The following RECQL4 variants were observed in gnomAD, a reference collection of about 807,000 sequenced individuals.
The protein encoded by RECQL4 is RecQ like helicase 4, also known as ATP-dependent DNA helicase Q4.
A neutral mutation model predicts 128.6 loss-of-function variants in RECQL4; 158 were observed. The ratio of observed to expected loss-of-function variants is 1.23; its 90% CI spans 1.08 to 1.40. The LOEUF (loss-of-function observed/expected upper bound fraction) is 1.40. Ranked by LOEUF, RECQL4 falls within the 40% of genes most tolerant of loss-of-function variation. RECQL4 has a pLI of 0.00. For missense variants in RECQL4, 2,293 were observed against 1,649.8 expected (o/e 1.39, Z -6.75); for synonymous variants, 996 against 678.9 (o/e 1.47, Z -7.26).
At chr8:144,515,672 G>A in intron 6 of RECQL4, 92 bp downstream of exon 6, 1 of 1,519,516 alleles carries the variant, frequency 6.6e-7, no homozygotes, top group Non-Finnish European at 8.9e-7. Context: ...TACCTGGAAG[G>A]CCTGTTGCTT....
Position 144,516,414 on chromosome 8 carries a change from C to G in RECQL4, c.705G>C (p.Gln235His), listed in dbSNP as rs1177971610. 6.2e-7 allele frequency: 1 copy of G among 1,609,324 alleles called. No homozygotes were observed. Among genetic ancestry groups the G allele is most frequent in the Admixed American group, 1.7e-5 (1 of 59,948 alleles). The change falls in exon 5 of 21, where the codon CAG (glutamine) becomes CAC (histidine). Residue 235 changes from glutamine to histidine, a missense_variant. Transcript: ENST00000617875. ...CTTGGAAGGCTGAAGCCTCTGGGCCCTGGGAGCCAGCACCAGGACCAAGGA... is the reference window on the plus strand; with the variant it reads ...CTTGGAAGGCTGAAGCCTCTGGGCCGTGGGAGCCAGCACCAGGACCAAGGA... ...SAVLGPGAGS[Q>H]GPEASAFQEV...
chr8:144,512,067 G>C lies in RECQL4; in HGVS notation c.3237C>G (p.Ser1079Arg), dbSNP rs770553956. The change falls in exon 19 of 21, where the codon AGC (serine) becomes AGG (arginine). Residue 1079 changes from serine to arginine, a missense_variant and splice_region_variant. Ser to Arg is a moderately radical substitution (Grantham distance 110). Transcript: ENST00000617875. ...AGGGCCCGCAGCTGGGGAAGGCTAC[G>C]CTGTGGGGAGGAGCCTGTCAGAGCT... is the stretch of plus-strand genomic sequence containing the variant. ...RLRRTFQAFH[S>R]VAFPSCGPCL... The C allele has an allele frequency of 6.2e-7, 1 of 1,607,172 alleles. No homozygotes were observed. Among genetic ancestry groups the C allele is most frequent in the East Asian group, 2.2e-5 (1 of 44,764 alleles).
rs1202338298 is a variant in RECQL4 at position 144,515,580 on chromosome 8, T to A, written c.1259-123A>T. The A allele has an allele frequency of 2.0e-6, 3 of 1,519,540 alleles. No homozygotes were observed. The East Asian group carries it at 6.8e-5, about 35-fold the overall frequency. The allele number at this position is 1,519,540 out of a possible 1,614,324, so 94.1% of individuals were successfully genotyped here. A position where few individuals can be genotyped will look rare whatever the true frequency, so the allele number is the denominator to read the frequency against. On this transcript the variant is annotated intron_variant, in intron 6 of 20. Transcript: ENST00000617875. ...CAGTGCCCTTCCTCTGGGCTACTTT[T>A]TCCAAAGCAGAAAAGAGTGACAGCC... is the stretch of plus-strand genomic sequence containing the variant.
chr8:144,517,793 C>T lies in RECQL4; in HGVS notation c.-9G>A. The T allele has an allele frequency of 8.2e-7, 1 of 1,219,210 alleles. No homozygotes were observed. Among genetic ancestry groups the T allele is most frequent in the South Asian group, 3.0e-5 (1 of 32,914 alleles). The allele number at this position is 1,219,210 out of a possible 1,614,324, so 75.5% of individuals were successfully genotyped here. A position where few individuals can be genotyped will look rare whatever the true frequency, so the allele number is the denominator to read the frequency against. The stretch of plus-strand genomic sequence containing the variant: ...TCCCGCAGCCGCTCCATGGCGCGCG[C>T]GCCCGCCCGGCCTCCGCGCTTGCGA... On this transcript the variant is annotated 5_prime_UTR_variant, in exon 1 of 21. Coordinates refer to ENST00000617875, the MANE Select transcript of RECQL4 (RefSeq NM_004260.4).
At position 144,513,475 on chromosome 8, in the gene RECQL4, C is replaced by T. The variant is rs864309583; in HGVS notation, c.2206G>A (p.Ala736Thr). The change falls in exon 14 of 21, where the codon GCC (alanine) becomes ACC (threonine). Residue 736 changes from alanine to threonine, a missense_variant. Transcript: ENST00000617875. ...AAWVPGSGGR[A>T]PKTTAEAYHA... ...TAGGCCTCGGCTGTGGTTTTGGGGG[C>T]ACGACCTTTGGGGAAGACAGGCAGA... 2 of 1,609,846 alleles carry T rather than the reference C, an allele frequency of 1.2e-6. No individual in the cohort carries two copies. The highest frequency in any genetic ancestry group is 1.7e-4 in the Middle Eastern group (1 of 6,060).
chr8:144,515,994 G>T lies in RECQL4; in HGVS notation c.1125C>A (p.Arg375=), dbSNP rs560231629. The part of the protein sequence containing the change: ...RGRALRSRLL[R]KQAWKQKWRK... ...TGGCCCGTCGCTGTCTTACCTGCTT[G>T]CGGAGGAGCCTGCTACGGAGTGCCC... The change falls in exon 5 of 21, where the codon CGC becomes CGA. Residue 375 remains arginine, a synonymous_variant. Transcript: ENST00000617875. 1.5e-5 allele frequency: 24 copies of T among 1,609,402 alleles called. No individual in the cohort carries two copies. Among genetic ancestry groups the T allele is most frequent in the South Asian group, 6.6e-5 (6 of 91,022 alleles).
At position 144,514,459 on chromosome 8, in the gene RECQL4, C is replaced by G; in HGVS notation, c.1687G>C (p.Glu563Gln). 4 of 1,612,240 alleles carry G rather than the reference C, an allele frequency of 2.5e-6. No homozygotes were observed. Among genetic ancestry groups the G allele is most frequent in the Non-Finnish European group, 3.4e-6 (4 of 1,179,542 alleles). ...GCCCCCACCTTCTGCAGGACAGATTCCCGTTGCTTCCTGGTCATGCCCGAG... is the reference window on the plus strand; with the variant it reads ...GCCCCCACCTTCTGCAGGACAGATTGCCGTTGCTTCCTGGTCATGCCCGAG... ...IHSGMTRKQR[E>Q]SVLQKIRAAQ... is the part of the protein sequence containing the mutation. Residue 563 changes from glutamate (E) to glutamine (Q), a missense_variant, in exon 10 of 21, where the codon GAA becomes CAA. By Grantham distance (29) the Glu-to-Gln change is conservative. Coordinates refer to ENST00000617875, the MANE Select transcript of RECQL4 (RefSeq NM_004260.4).
In RECQL4 at chr8:144,517,799, C is replaced by G; in HGVS notation, c.-15G>C. 8.3e-7 allele frequency: 1 copy of G among 1,211,960 alleles called. No individual in the cohort carries two copies. The highest frequency in any genetic ancestry group is 3.7e-5 in the East Asian group (1 of 26,684). The allele number at this position is 1,211,960 out of a possible 1,614,324, so 75.1% of individuals were successfully genotyped here. ...AGCCGCTCCATGGCGCGCGCGCCCG[C>G]CCGGCCTCCGCGCTTGCGATCGTCC... On this transcript the variant is annotated 5_prime_UTR_variant, in exon 1 of 21. Coordinates refer to ENST00000617875, the MANE Select transcript of RECQL4 (RefSeq NM_004260.4).
intron 14 of RECQL4, 37 bp from the exon 15 acceptor site, chr8:144,513,175 TG>T: frequency 2.2e-6 from 2 of 895,968 alleles, no homozygotes; most frequent in Non-Finnish European, 3.1e-6. Context: ...GGTGGACCAC[TG>T]GGGGCTCGAG....
rs757069680 is a variant in RECQL4, at chr8:144,513,611, G to A, written c.2160C>T (p.Leu720=). ...REDTERIAAL[L]RTCLHAAWVP... is the part of the protein sequence containing the mutation. ...CCCAGGCTGCGTGCAGGCAGGTTCG[G>A]AGGAGCGCAGCGATCCGCTCTGTGT... is the stretch of plus-strand genomic sequence containing the variant. The change falls in exon 13 of 21, where the codon CTC becomes CTT. Residue 720 remains leucine, a synonymous_variant. Coordinates refer to ENST00000617875, the MANE Select transcript of RECQL4 (RefSeq NM_004260.4). The A allele has an allele frequency of 6.2e-7, 1 of 1,605,484 alleles. No homozygotes were observed. The highest frequency in any genetic ancestry group is 1.3e-5 in the African/African-American group (1 of 74,822).
Position 144,517,785 on chromosome 8 carries a change from G to A in RECQL4, c.-1C>T. The A allele has an allele frequency of 8.1e-7, 1 of 1,231,676 alleles. No homozygotes were observed. Among genetic ancestry groups the A allele is most frequent in the Non-Finnish European group, 1.0e-6 (1 of 982,378 alleles). The allele number at this position is 1,231,676 out of a possible 1,614,324, so 76.3% of individuals were successfully genotyped here. A position where few individuals can be genotyped will look rare whatever the true frequency, so the allele number is the denominator to read the frequency against. On this transcript the variant is annotated 5_prime_UTR_variant, in exon 1 of 21. Transcript: ENST00000617875. ...CCCGCACGTCCCGCAGCCGCTCCATGGCGCGCGCGCCCGCCCGGCCTCCGC... is the reference window on the plus strand; with the variant it reads ...CCCGCACGTCCCGCAGCCGCTCCATAGCGCGCGCGCCCGCCCGGCCTCCGC...
chr8:144,513,383 C>G lies in RECQL4; in HGVS notation c.2298G>C (p.Arg766=). ...CAAAGGCCACCGTGGCCACCACCAC[C>G]CGCAACTGGCCCTGCATGAAGGCTC... ...VQRAFMQGQL[R]VVVATVAFGM... The change falls in exon 14 of 21, where the codon CGG becomes CGC. Residue 766 remains arginine (R), a synonymous_variant. Transcript: ENST00000617875. The G allele has an allele frequency of 6.2e-7, 1 of 1,607,844 alleles. No individual in the cohort carries two copies.
In RECQL4 at chr8:144,514,611, C is replaced by T. The variant is rs879161836; in HGVS notation, c.1621-86G>A. 10 of 1,371,318 alleles carry T rather than the reference C, an allele frequency of 7.3e-6. No homozygotes were observed. The South Asian group carries it at 1.1e-4, about 14-fold the overall frequency. The allele number at this position is 1,371,318 out of a possible 1,614,324, so 84.9% of individuals were successfully genotyped here. ...ATCCCAGAGCTGCTGCCATGTCCAT[C>T]CTAGTCCCTCAGGGGAGAGGAGAAC... On this transcript the variant is annotated intron_variant, in intron 9 of 20. Coordinates refer to ENST00000617875, the MANE Select transcript of RECQL4 (RefSeq NM_004260.4).
rs1308532545 is a variant in RECQL4, at chr8:144,512,580, G to A, written c.2886-19C>T. 1 of 1,612,274 alleles carries A rather than the reference G, an allele frequency of 6.2e-7. No homozygotes were observed. The highest frequency in any genetic ancestry group is 2.2e-5 in the East Asian group (1 of 44,858). ...GGGACACCTGTGCCCAGGGAAAAAG[G>A]GACATGTGGCCAACAGCCCTGATTC... On this transcript the variant is annotated intron_variant, in intron 16 of 20. Transcript: ENST00000617875.
chr8:144,514,178 A>G lies in RECQL4; in HGVS notation c.1878+11T>C, dbSNP rs532723123. 64 of 1,611,932 alleles carry G rather than the reference A, an allele frequency of 4.0e-5. No individual in the cohort carries two copies. In the South Asian group the frequency reaches 5.6e-4, roughly 14 times the overall value. On this transcript the variant is annotated intron_variant, in intron 11 of 20. Transcript: ENST00000617875. ...GCCCTGGCCGCCCACCCCAGTTCAC[A>G]TATGGCTCACCTTGCAGACGCGCAG...
Position 144,517,089 on chromosome 8 carries a change from G to C in RECQL4, c.315C>G (p.Tyr105Ter), listed in dbSNP as rs766643335. Residue 105 changes from tyrosine (Y) to a stop codon, truncating the protein, a stop_gained, in exon 4 of 21, where the codon TAC becomes TAG. Coordinates refer to ENST00000617875, the MANE Select transcript of RECQL4 (RefSeq NM_004260.4). LOFTEE classifies it high-confidence loss of function. Reference sequence around the variant, plus strand: ...TCAGATTGGCCTTGAGCCGCTGCCCGTAGTCCGGCACCGAGCCCTGGCGGC... The same window carrying C: ...TCAGATTGGCCTTGAGCCGCTGCCCCTAGTCCGGCACCGAGCCCTGGCGGC... ...GRSRQGSVPD[Y>*]GQRLKANLKG... 1.2e-6 allele frequency: 2 copies of C among 1,612,328 alleles called. No homozygotes were observed. The highest frequency in any genetic ancestry group is 1.7e-6 in the Non-Finnish European group (2 of 1,179,640).
intron 9 of RECQL4, 148 bp downstream of exon 9, chr8:144,514,788 G>T: frequency 1.9e-6 from 2 of 1,052,050 alleles, no homozygotes; most frequent in Non-Finnish European, 1.4e-6. Flanking sequence ...GGCTGCCTTT[G>T]ACCTGCTGCC....
rs776811529 is a variant in RECQL4, at chr8:144,515,890, C to T, written c.1132G>A (p.Ala378Thr). The change falls in exon 6 of 21, where the codon GCA (alanine) becomes ACA (threonine). Residue 378 changes from alanine to threonine, a missense_variant and splice_region_variant. By Grantham distance (58) the Ala-to-Thr change is moderately conservative. Coordinates refer to ENST00000617875, the MANE Select transcript of RECQL4 (RefSeq NM_004260.4). ...TTCTTCCGCCACTTCTGCTTCCATG[C>T]CTGGGGGGTGCCCACATAGGAGGGT... ...ALRSRLLRKQ[A>T]WKQKWRKKGE... 3.1e-6 allele frequency: 5 copies of T among 1,612,760 alleles called. No homozygotes were observed. Among genetic ancestry groups the T allele is most frequent in the Admixed American group, 1.7e-5 (1 of 59,970 alleles).
In RECQL4 at chr8:144,514,011, C is replaced by T. The variant is rs764022924; in HGVS notation, c.1975G>A (p.Ala659Thr). 1.9e-6 allele frequency: 3 copies of T among 1,570,420 alleles called. No individual in the cohort carries two copies. The highest frequency in any genetic ancestry group is 2.6e-6 in the Non-Finnish European group (3 of 1,158,736). The change falls in exon 12 of 21, where the codon GCT (alanine) becomes ACT (threonine). Residue 659 changes from alanine to threonine, a missense_variant. Ala to Thr is a moderately conservative substitution (Grantham distance 58). Coordinates refer to ENST00000617875, the MANE Select transcript of RECQL4 (RefSeq NM_004260.4). ...GGCCCGTGGAGGTCAGGCTCTTCAGCCACAGCCAGGTGCTGTGCCACGTCA... is the reference window on the plus strand; with the variant it reads ...GGCCCGTGGAGGTCAGGCTCTTCAGTCACAGCCAGGTGCTGTGCCACGTCA... ...ASDVAQHLAV[A>T]EEPDLHGPAP...
Sources: gnomAD v4.1 joint callset for allele counts on GRCh38, gnomAD v4.1.1 for gene constraint, MANE v1.5 for transcripts, NCBI Gene and HGNC (gene_info 2026-07-23, HGNC 2026-07-21) for gene names.